CRTC3: variants seen among roughly 807,000 people sequenced by gnomAD.
CRTC3 encodes CREB regulated transcription coactivator 3.
CRTC3 carries 26 observed loss-of-function variants against 74.5 expected under a neutral mutation model. That is an observed-to-expected ratio of 0.35 (90% confidence interval 0.26 to 0.48). The LOEUF (loss-of-function observed/expected upper bound fraction) is 0.48, where lower values mean the gene tolerates loss of function less well. Among genes scored for constraint, CRTC3 ranks in the 20% least tolerant of loss-of-function variants. The pLI is 0.99. For synonymous variants in CRTC3, 377 were observed against 325.8 expected, an observed-to-expected ratio of 1.16 and a Z score of -1.69; for missense variants, 760 against 787.3, an observed-to-expected ratio of 0.97 and a Z score of 0.41.
In CRTC3 at chr15:90,631,240, G is replaced by A. The variant is rs551599824; in HGVS notation, c.1266+1708G>A. ...GTATGAGTGATCTCTTTTGGGCGAG[G>A]GTGAGAGGACATTTCATAATTTTTA... On this transcript the variant is annotated intron_variant, in intron 11 of 14. Coordinates refer to ENST00000268184, the MANE Select transcript of CRTC3 (RefSeq NM_022769.5). Among the ~76,000 whole-genome samples, 10 of 152,134 alleles carry A rather than the reference G, an allele frequency of 6.6e-5. No homozygotes were observed. In the East Asian group the frequency reaches 1.5e-3, roughly 24 times the overall value.
In CRTC3 at chr15:90,642,748, T is replaced by TC. The variant is rs779084170; in HGVS notation, c.*609dup. On this transcript the variant is annotated 3_prime_UTR_variant, in exon 15 of 15. Coordinates refer to ENST00000268184, the MANE Select transcript of CRTC3 (RefSeq NM_022769.5). Reference sequence around the variant, plus strand: ...AGTTAGGCAGACTGAAGGCTAATTTTCATTTTCTCCCAGCTGGTTTCTGCT... The same window carrying TC: ...AGTTAGGCAGACTGAAGGCTAATTTTCCATTTTCTCCCAGCTGGTTTCTGCT... 2 of 231,514 alleles carry TC rather than the reference T, an allele frequency of 8.6e-6. No homozygotes were observed. Among genetic ancestry groups the TC allele is most frequent in the African/African-American group, 2.2e-5 (1 of 45,202 alleles). The allele number at this position is 231,514 out of a possible 1,614,324, so 14.3% of individuals were successfully genotyped here. A position where few individuals can be genotyped will look rare whatever the true frequency, so the allele number is the denominator to read the frequency against.
At chr15:90,632,530 T>C (rs1708001933) in intron 11 of CRTC3, among the ~76,000 whole-genome samples, 1 of 152,240 alleles carries the variant, frequency 6.6e-6, no homozygotes, top group Admixed American at 6.5e-5. Flanking sequence ...AACAGCTGTC[T>C]TTCCCTCTCG....
At chr15:90,629,118 C>A in intron 10 of CRTC3, 116 bp from the exon 11 acceptor site, 1 of 960,594 alleles carries the variant, frequency 1.0e-6, no homozygotes, top group Non-Finnish European at 1.5e-6. Context: ...TGTCCAGGAG[C>A]TCCTTTACCT....
At chr15:90,581,071 G>A (rs1039425978) in intron 2 of CRTC3, among the ~76,000 whole-genome samples, 3 of 152,196 alleles carry the variant, frequency 2.0e-5, no homozygotes, top group African/African-American at 4.8e-5. Context: ...GGATGAGAAA[G>A]GAGTGGCCTG....
intron 4 of CRTC3, among the ~76,000 whole-genome samples, chr15:90,603,266 A>G (rs1329820989): frequency 6.7e-6 from 1 of 148,954 alleles, no homozygotes; most frequent in Non-Finnish European, 1.5e-5. Flanking sequence ...ACACGGTGAA[A>G]CCCCGTCTCC....
At chr15:90,627,065 G>T (rs1420921553) in intron 10 of CRTC3, among the ~76,000 whole-genome samples, 1 of 152,182 alleles carries the variant, frequency 6.6e-6, no homozygotes, top group East Asian at 1.9e-4. Flanking sequence ...AGCAGTGTTT[G>T]CTGCCTTTCA....
chr15:90,639,190 C>T (rs1267486204), intron 13 of CRTC3, among the ~76,000 whole-genome samples: 2 of 152,082 alleles, frequency 1.3e-5, no homozygotes, highest in South Asian at 2.1e-4. Flanking sequence ...AAGGTGGCGC[C>T]GCATTTGGCC....
chr15:90,640,913 CT>C (rs1057067283), intron 13 of CRTC3, 183 bp from the exon 14 acceptor site: 2 of 589,396 alleles, frequency 3.4e-6, no homozygotes, highest in African/African-American at 1.9e-5. Context: ...ACCCCAGCGT[CT>C]GCCTGCCTGA....
At chr15:90,633,226 C>A (rs1482700412) in intron 11 of CRTC3, among the ~76,000 whole-genome samples, 2 of 146,334 alleles carry the variant, frequency 1.4e-5, no homozygotes, top group Admixed American at 1.3e-4. Flanking sequence ...TTTTTATTAG[C>A]CTGGTTATCT....
intron 2 of CRTC3, among the ~76,000 whole-genome samples, chr15:90,583,889 G>T (rs1208328190): frequency 6.6e-6 from 1 of 151,958 alleles, no homozygotes; most frequent in Admixed American, 6.6e-5. Flanking sequence ...ATTTAACCAA[G>T]TATGACATCC....
intron 6 of CRTC3, among the ~76,000 whole-genome samples, chr15:90,613,057 G>A (rs1010991384): frequency 1.3e-5 from 2 of 151,766 alleles, no homozygotes; most frequent in African/African-American, 4.8e-5. Context: ...AAAATTAGCC[G>A]GGCCTGGTGG....
chr15:90,546,370 G>A (rs974639867), intron 2 of CRTC3, among the ~76,000 whole-genome samples: 10 of 151,944 alleles, frequency 6.6e-5, no homozygotes, highest in Admixed American at 1.3e-4. Context: ...GTCTATTTCC[G>A]GACTCTTCTG....
At chr15:90,625,678 C>T (rs1968807916) in intron 9 of CRTC3, 98 bp from the exon 10 acceptor site, 2 of 1,084,186 alleles carry the variant, frequency 1.8e-6, no homozygotes, top group Non-Finnish European at 2.8e-6. Flanking sequence ...CTTTTGTAGC[C>T]ACTGCTCTTA....
At chr15:90,549,339 C>T (rs1199691775) in intron 2 of CRTC3, among the ~76,000 whole-genome samples, 1 of 151,806 alleles carries the variant, frequency 6.6e-6, no homozygotes, top group African/African-American at 2.4e-5. Context: ...TGATCACATA[C>T]TGGGCCAAAT....
chr15:90,550,539 C>T (rs1966853413), intron 2 of CRTC3, among the ~76,000 whole-genome samples: 1 of 149,654 alleles, frequency 6.7e-6, no homozygotes, highest in Admixed American at 6.7e-5. Context: ...AAGCAGATGG[C>T]ACTGTCATGG....
intron 1 of CRTC3, among the ~76,000 whole-genome samples, chr15:90,536,973 G>A (rs867188620): frequency 6.6e-6 from 1 of 152,178 alleles, no homozygotes. Context: ...TTTTTCAATT[G>A]AAATTTAATA....
chr15:90,573,154 T>G (rs12901150), intron 2 of CRTC3, among the ~76,000 whole-genome samples: 101,987 of 151,998 alleles, frequency 0.67, 35,357 homozygotes, highest in South Asian at 0.79. Flanking sequence ...TTACACACTA[T>G]TTGTCTTTTT....
chr15:90,551,836 C>G (rs1159196559), intron 2 of CRTC3, among the ~76,000 whole-genome samples: 2 of 152,302 alleles, frequency 1.3e-5, no homozygotes, highest in East Asian at 3.8e-4. Flanking sequence ...AATCAGATCT[C>G]CGCTTGGTAG....
At chr15:90,551,581 C>T (rs1001418791) in intron 2 of CRTC3, among the ~76,000 whole-genome samples, 4 of 152,206 alleles carry the variant, frequency 2.6e-5, no homozygotes, top group African/African-American at 7.2e-5. Context: ...GGTAGGCATT[C>T]TAATGCTGCG....
Sources: allele counts gnomAD v4.1 joint callset (sites outside exome capture counted in the v4.1 genomes callset), GRCh38; gene constraint gnomAD v4.1.1; transcripts MANE v1.5; gene names NCBI Gene and HGNC (gene_info 2026-07-23, HGNC 2026-07-21).